The following NAV2 variants were observed in gnomAD, a reference collection of about 807,000 sequenced individuals.
The protein encoded by NAV2 is helicase, APC down-regulated 1.
Under a neutral mutation model 223.2 loss-of-function variants are expected in NAV2, and 54 were observed. The ratio of observed to expected loss-of-function variants is 0.24; its 90% CI spans 0.19 to 0.30. The LOEUF (loss-of-function observed/expected upper bound fraction) is 0.30, where lower values mean the gene tolerates loss of function less well. Among genes scored for constraint, NAV2 ranks in the 10% least tolerant of loss-of-function variants. NAV2 has a pLI of 1.00. For synonymous variants in NAV2, 1,279 were observed against 1,239.3 expected (o/e 1.03, Z -0.67); for missense variants, 2,806 against 3,147.5 (o/e 0.89, Z 2.60).
At chr11:20,073,666 G>A (rs1219378426) in intron 22 of NAV2, among the ~76,000 whole-genome samples, 1 of 152,136 alleles carries the variant, frequency 6.6e-6, no homozygotes, top group Non-Finnish European at 1.5e-5. Context: ...AGTCTTGGGA[G>A]GGTGTATGTG....
At position 19,868,958 on chromosome 11, in the gene NAV2, G is replaced by T. The variant is rs761009001; in HGVS notation, c.472G>T (p.Ala158Ser). The change falls in exon 4 of 38, where the codon GCA becomes TCA. Residue 158 changes from alanine to serine, a missense_variant. Physicochemically the swap from Ala to Ser is moderately conservative, Grantham distance 99. Around this residue, in one of 4 missense-constraint regions of NAV2, gnomAD observed 1,167 missense variants for 1,180.5 expected, o/e 0.99. Transcript: ENST00000349880. The stretch of plus-strand genomic sequence containing the variant: ...CATAGATGCCTGCTTGAATTTCCTG[G>T]CAGCTAAGGGAATAAACATCCAGGG... ...ENIDACLNFL[A>S]AKGINIQGLS... 2.5e-6 allele frequency: 4 copies of T among 1,613,800 alleles called. No homozygotes were observed. In the South Asian group the frequency reaches 4.4e-5, roughly 18 times the overall value.
At chr11:19,466,552 C>T (rs1194292468) in intron 1 of NAV2, among the ~76,000 whole-genome samples, 1 of 152,240 alleles carries the variant, frequency 6.6e-6, no homozygotes, top group Non-Finnish European at 1.5e-5. Context: ...CAGAGAGATG[C>T]TCTAGAAAAT....
In NAV2 at chr11:20,103,332, C is replaced by T. The variant is rs2061773859; in HGVS notation, c.6495C>T (p.Ile2165=). Residue 2165 remains isoleucine (I), a synonymous_variant, in exon 33 of 38, where the codon ATC becomes ATT. Coordinates refer to ENST00000349880, the MANE Select transcript of NAV2 (RefSeq NM_145117.5). ...ENNAVDMPLV[I]ILDNLHHVSS... is the part of the protein sequence containing the mutation. ...ATGCTGTGGACATGCCCCTCGTCAT[C>T]ATCCTGGACAACCTACACCACGTGA... is the stretch of plus-strand genomic sequence containing the variant. 6.2e-7 allele frequency: 1 copy of T among 1,614,076 alleles called. No individual in the cohort carries two copies. Among genetic ancestry groups the T allele is most frequent in the Non-Finnish European group, 8.5e-7 (1 of 1,180,006 alleles).
At chr11:19,806,492 G>A (rs1383597312) in intron 1 of NAV2, among the ~76,000 whole-genome samples, 3 of 152,220 alleles carry the variant, frequency 2.0e-5, no homozygotes, top group Non-Finnish European at 4.4e-5. Context: ...TCTCATATCA[G>A]TGTTGATTCT....
chr11:19,993,001 A>G (rs2051493694), intron 11 of NAV2, among the ~76,000 whole-genome samples: 1 of 152,214 alleles, frequency 6.6e-6, no homozygotes, highest in South Asian at 2.1e-4. Flanking sequence ...GCAATATGAA[A>G]GCAAGAATAA....
chr11:20,062,846 C>T (rs1207720236), intron 20 of NAV2, among the ~76,000 whole-genome samples: 1 of 152,178 alleles, frequency 6.6e-6, no homozygotes, highest in Non-Finnish European at 1.5e-5. Context: ...AGGCATGTGC[C>T]ACCACGCCCA....
At chr11:19,905,250 G>A (rs2042773902) in intron 6 of NAV2, among the ~76,000 whole-genome samples, 2 of 152,168 alleles carry the variant, frequency 1.3e-5, no homozygotes, top group Admixed American at 1.3e-4. Context: ...AACTTGCCAA[G>A]TTCATGCTCA....
At chr11:20,033,994 G>A (rs2056072240) in intron 11 of NAV2, among the ~76,000 whole-genome samples, 2 of 152,212 alleles carry the variant, frequency 1.3e-5, no homozygotes, top group Non-Finnish European at 2.9e-5. Context: ...TGGCTGAGCG[G>A]CCTTTAACCA....
At chr11:19,777,093 A>ACCC (rs1166485329) in intron 1 of NAV2, among the ~76,000 whole-genome samples, 4 of 126,210 alleles carry the variant, frequency 3.2e-5, no homozygotes, top group Non-Finnish European at 5.3e-5. Flanking sequence ...CCAGCCGCCG[A>ACCC]CCCCCCCCCC....
At chr11:19,520,072 T>C (rs1195391435) in intron 1 of NAV2, among the ~76,000 whole-genome samples, 1 of 152,246 alleles carries the variant, frequency 6.6e-6, no homozygotes, top group East Asian at 1.9e-4. Flanking sequence ...CTGAGGGCAC[T>C]GAGGTCCTTT....
rs117849519 is a variant in NAV2 at position 19,979,812 on chromosome 11, A to G, written c.2646-4313A>G. Among the ~76,000 whole-genome samples the G allele has an allele frequency of 2.6e-3, 397 of 152,290 alleles. 3 individuals are homozygous for G. Among genetic ancestry groups the G allele is most frequent in the Non-Finnish European group, 4.8e-3 (324 of 68,012 alleles). ...GTCTCATTTAACCTGCCACAATCCT[A>G]TGAGGGAACTTAAACTAGAAGAAAT... On this transcript the variant is annotated intron_variant, in intron 10 of 37. Transcript: ENST00000349880.
At chr11:19,520,819 A>T (rs912616331) in intron 1 of NAV2, among the ~76,000 whole-genome samples, 2 of 152,176 alleles carry the variant, frequency 1.3e-5, no homozygotes, top group Non-Finnish European at 2.9e-5. Flanking sequence ...CTCAGTCCCA[A>T]GCTGGCACTC....
intron 1 of NAV2, among the ~76,000 whole-genome samples, chr11:19,497,668 G>A (rs911728185): frequency 6.6e-5 from 10 of 152,134 alleles, no homozygotes; most frequent in Non-Finnish European, 1.0e-4. Context: ...TGAGGTGGGA[G>A]TGAATAAATT....
intron 1 of NAV2, among the ~76,000 whole-genome samples, chr11:19,458,001 C>A (rs529528339): frequency 2.3e-4 from 35 of 152,292 alleles, no homozygotes; most frequent in African/African-American, 8.2e-4. Context: ...AGTTGCCACT[C>A]CTTGCCTTTC....
At position 19,478,998 on chromosome 11, in the gene NAV2, C is replaced by G. The variant is rs578064720; in HGVS notation, c.75+127971C>G. ...AGAGGTCTCCCCTGATGTCGGCGGT[C>G]TGGGCAGATTCTACAGAGGTGGGGT... is the stretch of plus-strand genomic sequence containing the variant. On this transcript the variant is annotated intron_variant, in intron 1 of 37. Coordinates refer to the NAV2 transcript ENST00000360655. Among the ~76,000 whole-genome samples, 3 of 152,288 alleles carry G rather than the reference C, an allele frequency of 2.0e-5. No homozygotes were observed. In the East Asian group the frequency reaches 5.8e-4, roughly 29 times the overall value.
intron 1 of NAV2, among the ~76,000 whole-genome samples, chr11:19,731,389 G>T (rs971436313): frequency 4.6e-5 from 7 of 152,358 alleles, no homozygotes; most frequent in South Asian, 2.1e-4. Context: ...TATTTACTGA[G>T]CACCTGCCTA....
At chr11:19,430,879 A>G (rs1456617397) in intron 1 of NAV2, among the ~76,000 whole-genome samples, 1 of 152,220 alleles carries the variant, frequency 6.6e-6, no homozygotes, top group East Asian at 1.9e-4. Flanking sequence ...GGGTGTTTCC[A>G]GGCTAGCTTT....
chr11:19,843,820 G>C (rs2152950422), intron 3 of NAV2, among the ~76,000 whole-genome samples: 1 of 151,548 alleles, frequency 6.6e-6, no homozygotes, highest in South Asian at 2.1e-4. Flanking sequence ...CTTTGAGTAG[G>C]CACAGTTTGA....
chr11:19,712,716 T>C (rs2049959736), upstream of NAV2: 1 of 151,286 alleles, frequency 6.6e-6, no homozygotes, highest in Admixed American at 6.6e-5. Flanking sequence ...GCGGCCAGAG[T>C]TTAGGCCACA....
Sources: allele counts gnomAD v4.1 joint callset (sites outside exome capture counted in the v4.1 genomes callset), GRCh38; gene constraint gnomAD v4.1.1; regional missense constraint gnomAD v4.1.1; transcripts MANE v1.5; gene names NCBI Gene and HGNC (gene_info 2026-07-23, HGNC 2026-07-21).